ARHGAP42: variants seen among roughly 807,000 people sequenced by gnomAD.
ARHGAP42 encodes the protein rho GTPase-activating protein 42.
Under a neutral mutation model 125.0 loss-of-function variants are expected in ARHGAP42, and 63 were observed. The observed-to-expected ratio is 0.50, with a 90% CI of 0.41 to 0.62. The LOEUF is 0.62. Ranked by LOEUF, ARHGAP42 falls within the 20% of genes least tolerant of loss-of-function variation. ARHGAP42 has a pLI of 0.00. For synonymous variants in ARHGAP42, 339 were observed against 351.0 expected (o/e 0.97, Z 0.38); for missense variants, 766 against 1,024.2 (o/e 0.75, Z 3.44).
At chr11:100,874,988 T>C (rs1320233901) in intron 4 of ARHGAP42, among the ~76,000 whole-genome samples, 2 of 152,044 alleles carry the variant, frequency 1.3e-5, no homozygotes, top group African/African-American at 2.4e-5. Flanking sequence ...TTAAGGGTGA[T>C]TTTTGTTTCC....
chr11:100,767,820 T>C (rs1591164715), intron 1 of ARHGAP42, among the ~76,000 whole-genome samples: 1 of 152,150 alleles, frequency 6.6e-6, no homozygotes, highest in East Asian at 1.9e-4. Flanking sequence ...TAAAGGGGTG[T>C]TCAATGGAAT....
chr11:100,809,659 T>C (rs112624058), intron 3 of ARHGAP42, among the ~76,000 whole-genome samples: 54 of 152,330 alleles, frequency 3.5e-4, no homozygotes, highest in African/African-American at 1.3e-3. Context: ...TTCAGTAATA[T>C]GAAACCAGAG....
At chr11:100,746,089 C>T (rs1862297282) in intron 1 of ARHGAP42, among the ~76,000 whole-genome samples, 3 of 152,184 alleles carry the variant, frequency 2.0e-5, no homozygotes, top group African/African-American at 7.2e-5. Flanking sequence ...ATAAGTGCCA[C>T]TTCAGTTACT....
At chr11:100,809,426 C>G (rs1864084334) in intron 3 of ARHGAP42, among the ~76,000 whole-genome samples, 1 of 152,154 alleles carries the variant, frequency 6.6e-6, no homozygotes, top group Non-Finnish European at 1.5e-5. Flanking sequence ...GGCAATCACT[C>G]CAACTCTTGT....
intron 4 of ARHGAP42, among the ~76,000 whole-genome samples, chr11:100,876,512 A>G (rs1203417894): frequency 6.6e-6 from 1 of 152,244 alleles, no homozygotes. Context: ...ATTTTAAGTA[A>G]GAATGTGGTG....
At chr11:100,858,100 TG>T (rs1591243310) in intron 3 of ARHGAP42, among the ~76,000 whole-genome samples, 1 of 145,392 alleles carries the variant, frequency 6.9e-6, no homozygotes, top group Non-Finnish European at 1.5e-5. Context: ...TGTGTGTGTG[TG>T]TGTGTGTGTG....
chr11:100,868,289 C>A (rs1421413565), intron 4 of ARHGAP42, among the ~76,000 whole-genome samples: 2 of 152,090 alleles, frequency 1.3e-5, no homozygotes, highest in Non-Finnish European at 2.9e-5. Flanking sequence ...CTTGTAGTTC[C>A]CTTTGTTATA....
chr11:100,857,785 A>C (rs573137336), intron 3 of ARHGAP42, among the ~76,000 whole-genome samples: 3 of 152,022 alleles, frequency 2.0e-5, no homozygotes, highest in Non-Finnish European at 4.4e-5. Context: ...CTTCCATAGA[A>C]CTGTCTCTGG....
intron 4 of ARHGAP42, among the ~76,000 whole-genome samples, chr11:100,897,317 A>G (rs900375359): frequency 2.6e-5 from 4 of 152,182 alleles, no homozygotes; most frequent in African/African-American, 7.2e-5. Flanking sequence ...TGACTTGGCA[A>G]TGCTGTCTCT....
chr11:100,746,189 A>G (rs1004367030), intron 1 of ARHGAP42, among the ~76,000 whole-genome samples: 1 of 152,186 alleles, frequency 6.6e-6, no homozygotes, highest in Non-Finnish European at 1.5e-5. Flanking sequence ...AGCTCTTGCA[A>G]ATTCTTAAGC....
chr11:100,792,712 A>G (rs1863593179), intron 2 of ARHGAP42, among the ~76,000 whole-genome samples: 1 of 150,886 alleles, frequency 6.6e-6, no homozygotes, highest in African/African-American at 2.4e-5. Flanking sequence ...TATTTGTATA[A>G]TGTTGTTTTC....
At chr11:100,903,117 GCACACACA>G (rs1555021069) in intron 4 of ARHGAP42, among the ~76,000 whole-genome samples, 57 of 132,036 alleles carry the variant, frequency 4.3e-4, no homozygotes, top group Middle Eastern at 3.9e-3. Context: ...TCCAAGATGC[GCACACACA>G]CACACACACA....
chr11:100,931,426 C>CT (rs1867580529), intron 6 of ARHGAP42, among the ~76,000 whole-genome samples: 1 of 152,108 alleles, frequency 6.6e-6, no homozygotes, highest in Admixed American at 6.6e-5. Flanking sequence ...TGTGTTTTGT[C>CT]TTTTTTCCAT....
intron 3 of ARHGAP42, among the ~76,000 whole-genome samples, chr11:100,802,640 C>T (rs1211020030): frequency 1.7e-5 from 1 of 60,322 alleles, no homozygotes; most frequent in Admixed American, 2.0e-4. Context: ...ACCCTGTTGG[C>T]GAGTCTCAAA....
Position 100,715,557 on chromosome 11 carries a change from G to A in ARHGAP42, c.154+27725G>A, listed in dbSNP as rs116094047. 4.5e-3 allele frequency among the ~76,000 whole-genome samples: 691 copies of A among 152,270 alleles called. 6 individuals are homozygous for A. Among genetic ancestry groups the A allele is most frequent in the African/African-American group, 0.016 (667 of 41,550 alleles). ...ATAAAGTTGCTTTGCTTAACTTGAT[G>A]TGACAGTGTTCTGTCTCACAAGACT... is the stretch of plus-strand genomic sequence containing the variant. On this transcript the variant is annotated intron_variant, in intron 1 of 23. Transcript: ENST00000298815.
rs967464791 is a variant in ARHGAP42, at chr11:100,974,532, G to A, written c.1784G>A (p.Arg595Gln). 5 of 1,550,944 alleles carry A rather than the reference G, an allele frequency of 3.2e-6. No individual in the cohort carries two copies. The African/African-American group carries it at 4.1e-5, about 13-fold the overall frequency. The change falls in exon 19 of 24, where the codon CGA (arginine) becomes CAA (glutamine). Residue 595 changes from arginine (R) to glutamine (Q), a missense_variant. By Grantham distance (43) the Arg-to-Gln change is conservative (BLOSUM62 1). Around this residue, in one of 3 missense-constraint regions of ARHGAP42, gnomAD observed 308 missense variants for 369.7 expected, o/e 0.83. Transcript: ENST00000298815. Reference protein sequence around the residue: ...PQSRSGSRRTRAICLSTGSRK... With the variant: ...PQSRSGSRRTQAICLSTGSRK... ...TCTCGATCTGGATCCCGAAGGACAC[G>A]AGCAATCTGCCTCTCTACAGGGTCT...
intron 3 of ARHGAP42, among the ~76,000 whole-genome samples, chr11:100,806,821 A>G (rs555785814): frequency 2.3e-4 from 32 of 141,760 alleles, no homozygotes; most frequent in African/African-American, 7.4e-4. Context: ...TAAATTTTTT[A>G]TTTGTTTGTT....
chr11:100,716,496 A>C (rs1382318704), intron 1 of ARHGAP42, among the ~76,000 whole-genome samples: 2 of 152,162 alleles, frequency 1.3e-5, no homozygotes, highest in African/African-American at 4.8e-5. Context: ...CTAGTTAGTA[A>C]ATTTACTGAT....
At position 100,992,584 on chromosome 11, in the gene ARHGAP42, T is replaced by C; in HGVS notation, c.*3783T>C. 2 of 1,614,110 alleles carry C rather than the reference T, an allele frequency of 1.2e-6. No individual in the cohort carries two copies. The highest frequency in any genetic ancestry group is 3.3e-4 in the Middle Eastern group (2 of 6,060). On this transcript the variant is annotated 3_prime_UTR_variant, in exon 24 of 24. Transcript: ENST00000298815. The stretch of plus-strand genomic sequence containing the variant: ...GTAATATCGAGTATTCATCAACTGG[T>C]CTCAATTTCCTGAACACATTCACTG...
Sources: allele counts gnomAD v4.1 joint callset (sites outside exome capture counted in the v4.1 genomes callset), GRCh38; gene constraint gnomAD v4.1.1; regional missense constraint gnomAD v4.1.1; transcripts MANE v1.5; gene names NCBI Gene and HGNC (gene_info 2026-07-23, HGNC 2026-07-21).